The following PCDHA7 variants were observed in gnomAD, a reference collection of about 807,000 sequenced individuals.
PCDHA7 encodes protocadherin alpha 7.
Under a neutral mutation model 57.2 loss-of-function variants are expected in PCDHA7, and 37 were observed. That is an observed-to-expected ratio of 0.65 (90% CI 0.50 to 0.85). The LOEUF (loss-of-function observed/expected upper bound fraction) is 0.85, where lower values mean the gene tolerates loss of function less well. PCDHA7 is among the 40% of genes least tolerant of loss of function. PCDHA7 has a pLI of 0.00. For synonymous variants in PCDHA7, 553 were observed against 558.8 expected (o/e 0.99, Z 0.15); for missense variants, 1,188 against 1,241.8 (o/e 0.96, Z 0.65).
chr5:140,886,158 C>A (rs888588847), intron 1 of PCDHA7, among the ~76,000 whole-genome samples: 2 of 152,142 alleles, frequency 1.3e-5, no homozygotes, highest in South Asian at 4.1e-4. Context: ...CTTTTTATAG[C>A]CACATCTGCT....
rs1237293055 is a variant in PCDHA7 at position 140,848,212 on chromosome 5, G to T, written c.2355+11474G>T. ...TTCTGTTTCAACAATCATTACTTAA[G>T]AAAAAATTAAGAAAATGAAATAAGT... On this transcript the variant is annotated intron_variant, in intron 1 of 3. Transcript: ENST00000525929. The T allele has an allele frequency of 5.6e-6, 2 of 355,864 alleles. 1 individual carries two copies. Among genetic ancestry groups the T allele is most frequent in the Non-Finnish European group, 1.0e-5 (2 of 196,396 alleles). The allele number at this position is 355,864 out of a possible 1,614,324, so 22.0% of individuals were successfully genotyped here.
At chr5:140,851,020 A>G in intron 1 of PCDHA7, 1 of 1,430,342 alleles carries the variant, frequency 7.0e-7, no homozygotes, top group Non-Finnish European at 9.2e-7. Flanking sequence ...TTTCTGATAA[A>G]GTAAACCCCT....
chr5:140,944,277 C>T (rs922160593), intron 1 of PCDHA7, among the ~76,000 whole-genome samples: 1 of 152,044 alleles, frequency 6.6e-6, no homozygotes, highest in Non-Finnish European at 1.5e-5. Flanking sequence ...AGCCTTGACA[C>T]CCCGGGCTCA....
intron 1 of PCDHA7, chr5:140,968,986 A>C (rs143656335): frequency 6.8e-6 from 11 of 1,614,206 alleles, no homozygotes; most frequent in East Asian, 6.7e-5. Context: ...ATGGCACTGC[A>C]TGCTGTGGAG....
At chr5:140,983,340 A>G (rs148799902) in intron 3 of PCDHA7, among the ~76,000 whole-genome samples, 114 of 152,358 alleles carry the variant, frequency 7.5e-4, no homozygotes, top group African/African-American at 2.2e-3. Flanking sequence ...TCACTAAAGC[A>G]GGGTCATGTA....
intron 1 of PCDHA7, among the ~76,000 whole-genome samples, chr5:140,904,555 C>A (rs1345633704): frequency 6.6e-6 from 1 of 151,632 alleles, no homozygotes. Flanking sequence ...CATATAATGA[C>A]TTTTTTTTCC....
intron 1 of PCDHA7, among the ~76,000 whole-genome samples, chr5:140,854,895 C>T (rs565255235): frequency 1.1e-4 from 16 of 149,404 alleles, no homozygotes; most frequent in African/African-American, 3.7e-4. Flanking sequence ...ATTTGAAAAG[C>T]GTAAATATAA....
intron 1 of PCDHA7, chr5:140,863,574 T>C (rs1162134770): frequency 2.7e-6 from 1 of 367,398 alleles, no homozygotes; most frequent in Non-Finnish European, 5.3e-6. Flanking sequence ...ATATAAGTAC[T>C]GTAATCCTGG....
In PCDHA7 at chr5:140,849,837, G is replaced by A. The variant is rs2150452785; in HGVS notation, c.2355+13099G>A. The A allele has an allele frequency of 9.4e-6, 15 of 1,598,674 alleles. 2 individuals are homozygous for A. The Admixed American group carries it at 2.0e-4, about 22-fold the overall frequency. On this transcript the variant is annotated intron_variant, in intron 1 of 3. Coordinates refer to ENST00000525929, the MANE Select transcript of PCDHA7 (RefSeq NM_018910.3). ...CAGGGTGTCTGTGGAGGTGGCCGAC[G>A]TGAACGACAACGCACCAGCGTTCGC...
intron 1 of PCDHA7, among the ~76,000 whole-genome samples, chr5:140,956,909 A>C (rs1395848380): frequency 2.0e-5 from 3 of 152,198 alleles, no homozygotes; most frequent in African/African-American, 7.2e-5. Context: ...TAAATGTATA[A>C]ACTTTAATCT....
chr5:140,849,672 G>C (rs2150444436), intron 1 of PCDHA7: 3 of 1,598,534 alleles, frequency 1.9e-6, no homozygotes, highest in Middle Eastern at 1.7e-4. Flanking sequence ...GACGCCCCAC[G>C]TCCCCTTCAA....
intron 1 of PCDHA7, chr5:140,852,075 A>G (rs2042230918): frequency 1.1e-6 from 1 of 900,346 alleles, no homozygotes; most frequent in Admixed American, 6.3e-5. Flanking sequence ...TCTTTCAGCT[A>G]TTTTATTTAA....
chr5:140,926,065 G>A (rs1302106382), intron 1 of PCDHA7, among the ~76,000 whole-genome samples: 3 of 152,176 alleles, frequency 2.0e-5, no homozygotes, highest in Non-Finnish European at 2.9e-5. Context: ...TCCCCTCCTT[G>A]TCGTCTCTAT....
chr5:140,883,092 G>C (rs782675726), intron 1 of PCDHA7: 2 of 1,614,108 alleles, frequency 1.2e-6, no homozygotes, highest in Non-Finnish European at 1.7e-6. Flanking sequence ...GGTACAAATG[G>C]AGATATAGTT....
rs1247544483 is a variant in PCDHA7 at position 140,836,573 on chromosome 5, C to A, written c.2190C>A (p.Gly730=). The A allele has an allele frequency of 2.5e-6, 4 of 1,613,690 alleles. No homozygotes were observed. Among genetic ancestry groups the A allele is most frequent in the South Asian group, 2.2e-5 (2 of 91,068 alleles). Residue 730 remains glycine, a synonymous_variant, in exon 1 of 4, where the codon GGC becomes GGA. Coordinates refer to ENST00000525929, the MANE Select transcript of PCDHA7 (RefSeq NM_018910.3). ...GGTGCTCAGCGCCGTCCTCTGAGGG[C>A]GCATGTAGTTTGGTAAAGCCCACTC... is the stretch of plus-strand genomic sequence containing the variant. ...ALRCSAPSSE[G]ACSLVKPTLV... is the part of the protein sequence containing the mutation.
chr5:140,998,942 T>C (rs1435302179), intron 3 of PCDHA7, among the ~76,000 whole-genome samples: 4 of 152,222 alleles, frequency 2.6e-5, no homozygotes, highest in Non-Finnish European at 5.9e-5. Flanking sequence ...ATGAAGAAAC[T>C]GTAAGTCAAT....
intron 1 of PCDHA7, among the ~76,000 whole-genome samples, chr5:140,875,029 T>C (rs1288139866): frequency 6.6e-6 from 1 of 152,256 alleles, no homozygotes; most frequent in Non-Finnish European, 1.5e-5. Flanking sequence ...TGGCCTACTG[T>C]ATTTGAAAGA....
intron 1 of PCDHA7, chr5:140,856,458 A>C: frequency 9.4e-6 from 15 of 1,598,416 alleles, no homozygotes; most frequent in Non-Finnish European, 1.3e-5. Flanking sequence ...GTAACAGAAC[A>C]AAAGCTCTCA....
chr5:140,934,741 T>TATG (rs2090025323), intron 1 of PCDHA7, among the ~76,000 whole-genome samples: 1 of 152,144 alleles, frequency 6.6e-6, no homozygotes, highest in Non-Finnish European at 1.5e-5. Flanking sequence ...TAGGTGTCAT[T>TATG]ATGAACTCAT....
Sources: gnomAD v4.1 joint callset for allele counts (sites outside exome capture counted in the v4.1 genomes callset) on GRCh38, gnomAD v4.1.1 for gene constraint, MANE v1.5 for transcripts, NCBI Gene and HGNC (gene_info 2026-07-23, HGNC 2026-07-21) for gene names.